Variants in CCDC42 observed in about 807,000 individuals in gnomAD.
CCDC42 encodes coiled-coil domain-containing protein 42.
In CCDC42, 38 loss-of-function variants were observed where a neutral mutation model predicts 40.8. The ratio of observed to expected loss-of-function variants is 0.93; its 90% confidence interval spans 0.72 to 1.22. The LOEUF (loss-of-function observed/expected upper bound fraction) is 1.22, where lower values mean the gene tolerates loss of function less well. Among genes scored for constraint, CCDC42 ranks in the 50% most tolerant of loss-of-function variants. The pLI, the probability that CCDC42 is intolerant of heterozygous loss-of-function variation, is 0.00. For synonymous variants in CCDC42, 135 were observed against 157.5 expected (o/e 0.86, Z 1.07); for missense variants, 379 against 416.5 (o/e 0.91, Z 0.78).
chr17:8,732,317 A>T (rs909901855), intron 6 of CCDC42, among the ~76,000 whole-genome samples: 2 of 147,866 alleles, frequency 1.4e-5, no homozygotes, highest in African/African-American at 4.9e-5. Flanking sequence ...AAAAAAAAAA[A>T]AAAAAACCTG....
chr17:8,733,116 A>G (rs2152142108), intron 6 of CCDC42, among the ~76,000 whole-genome samples: 1 of 152,278 alleles, frequency 6.6e-6, no homozygotes, highest in South Asian at 2.1e-4. Context: ...TTATTCTAGT[A>G]TAAGAGCTAC....
Position 8,730,047 on chromosome 17 carries a change from G to C in CCDC42, c.*83C>G. ...GGAAGGCACAGCAGGCATCGGTCCCGAGCTGGACTGACTGGACCGCAGGCT... is the reference window on the plus strand; with the variant it reads ...GGAAGGCACAGCAGGCATCGGTCCCCAGCTGGACTGACTGGACCGCAGGCT... On this transcript the variant is annotated 3_prime_UTR_variant, in exon 7 of 7. Transcript: ENST00000293845. 7.6e-7 allele frequency: 1 copy of C among 1,307,744 alleles called. No individual in the cohort carries two copies. Among genetic ancestry groups the C allele is most frequent in the Non-Finnish European group, 1.1e-6 (1 of 910,996 alleles). 81.0% of individuals were successfully genotyped at this position (1,307,744 alleles called of 1,614,324 possible). A position where few individuals can be genotyped will look rare whatever the true frequency, so the allele number is the denominator to read the frequency against.
In CCDC42 at chr17:8,730,152, T is replaced by C; in HGVS notation, c.929A>G (p.Glu310Gly). 1.2e-6 allele frequency: 2 copies of C among 1,613,974 alleles called. No homozygotes were observed. Among genetic ancestry groups the C allele is most frequent in the Non-Finnish European group, 8.5e-7 (1 of 1,179,906 alleles). Reference protein sequence around the residue: ...SDIWAEVKKKEQQRVRI With the variant: ...SDIWAEVKKKGQQRVRI ...TCCTTAAATCCGGACTCGCTGTTGT[T>C]CCTTCTTTTTCACCTCTGCCCAGAT... The change falls in exon 7 of 7, where the codon GAA (glutamate) becomes GGA (glycine). Residue 310 changes from glutamate to glycine, a missense_variant. By Grantham distance (98) the Glu-to-Gly change is moderately conservative (BLOSUM62 -2). Coordinates refer to ENST00000293845, the MANE Select transcript of CCDC42 (RefSeq NM_144681.3).
rs374995488 is a variant in CCDC42, at chr17:8,744,160, C to A, written c.108G>T (p.Ala36=). The part of the protein sequence containing the change: ...MLQKLPNVEG[A]SESPSIWLLE... ...GTAGCCAGATGGATGGGGACTCCGACGCCCCCTCAACATTGGGGAGTTTCC... is the reference window on the plus strand; with the variant it reads ...GTAGCCAGATGGATGGGGACTCCGAAGCCCCCTCAACATTGGGGAGTTTCC... Residue 36 remains alanine (A), a synonymous_variant, in exon 2 of 7, where the codon GCG becomes GCT. Transcript: ENST00000293845. 8 of 1,613,830 alleles carry A rather than the reference C, an allele frequency of 5.0e-6. No individual in the cohort carries two copies. The highest frequency in any genetic ancestry group is 6.8e-6 in the Non-Finnish European group (8 of 1,179,846).
In CCDC42 at chr17:8,730,091, G is replaced by A. The variant is rs2086570424; in HGVS notation, c.*39C>T. Reference sequence around the variant, plus strand: ...GCAGGCTCACGACTTCTTCTTTCACGATCTCTGTCTCAGGACATTCTGGAA... The same window carrying A: ...GCAGGCTCACGACTTCTTCTTTCACAATCTCTGTCTCAGGACATTCTGGAA... On this transcript the variant is annotated 3_prime_UTR_variant, in exon 7 of 7. Transcript: ENST00000293845. The A allele has an allele frequency of 4.4e-6, 7 of 1,593,292 alleles. No individual in the cohort carries two copies. Among genetic ancestry groups the A allele is most frequent in the South Asian group, 3.3e-5 (3 of 90,344 alleles).
intron 3 of CCDC42, 50 bp from the exon 4 acceptor site, chr17:8,741,721 C>A: frequency 6.4e-7 from 1 of 1,571,260 alleles, no homozygotes; most frequent in Non-Finnish European, 8.6e-7. Context: ...CCAGCCCTCC[C>A]GGGGCCCAGG....
chr17:8,738,411 G>A (rs935869116), intron 4 of CCDC42, among the ~76,000 whole-genome samples: 9 of 151,314 alleles, frequency 5.9e-5, no homozygotes, highest in Admixed American at 6.6e-5. Flanking sequence ...AAAAAATTCC[G>A]TATAAAAAGT....
At chr17:8,732,452 G>A (rs530679040) in intron 6 of CCDC42, among the ~76,000 whole-genome samples, 1 of 152,118 alleles carries the variant, frequency 6.6e-6, no homozygotes, top group African/African-American at 2.4e-5. Context: ...CTCAACAACT[G>A]TCAGCTGCTG....
Position 8,744,550 on chromosome 17 carries a change from C to T in CCDC42, c.60G>A (p.Gly20=), listed in dbSNP as rs1349044702. 1 of 1,612,364 alleles carries T rather than the reference C, an allele frequency of 6.2e-7. No homozygotes were observed. The highest frequency in any genetic ancestry group is 8.5e-7 in the Non-Finnish European group (1 of 1,179,982). ...ACTGGAGCATCTGCAGCAGCCGCTCCCCATACTGCAGCCGGAAGTACTCGG... is the reference window on the plus strand; with the variant it reads ...ACTGGAGCATCTGCAGCAGCCGCTCTCCATACTGCAGCCGGAAGTACTCGG... The part of the protein sequence containing the change: ...DLAEYFRLQY[G]ERLLQMLQKL... Residue 20 remains glycine, a synonymous_variant, in exon 1 of 7, where the codon GGG becomes GGA. Transcript: ENST00000293845.
At chr17:8,744,014 C>G (rs2086661873) in intron 2 of CCDC42, 65 bp downstream of exon 2, 24 of 1,270,652 alleles carry the variant, frequency 1.9e-5, no homozygotes, top group Non-Finnish European at 2.7e-5. Context: ...TCCACAGGCT[C>G]TCCCAGAGCC....
Position 8,730,091 on chromosome 17 carries a change from GA to G in CCDC42, c.*38del. The G allele has an allele frequency of 6.3e-7, 1 of 1,593,410 alleles. No homozygotes were observed. Among genetic ancestry groups the G allele is most frequent in the East Asian group, 2.2e-5 (1 of 44,734 alleles). The stretch of plus-strand genomic sequence containing the variant: ...GCAGGCTCACGACTTCTTCTTTCAC[GA>G]TCTCTGTCTCAGGACATTCTGGAAC... On this transcript the variant is annotated 3_prime_UTR_variant, in exon 7 of 7. Coordinates refer to ENST00000293845, the MANE Select transcript of CCDC42 (RefSeq NM_144681.3).
rs2086609478 is a variant in CCDC42, at chr17:8,735,916, A to AC, written c.493-306dup. On this transcript the variant is annotated intron_variant, in intron 4 of 6. Coordinates refer to ENST00000293845, the MANE Select transcript of CCDC42 (RefSeq NM_144681.3). This position sits in a 1 kb window ranked among gnomAD's most constrained non-coding sequence, Gnocchi z 4.7. The stretch of plus-strand genomic sequence containing the variant: ...TTAAAAAGGACACCTGCCAGTCTCC[A>AC]CCCCCAGAGATTCAGATGAATAAAC... Among the ~76,000 whole-genome samples the AC allele has an allele frequency of 6.6e-6, 1 of 152,072 alleles. No individual in the cohort carries two copies. The highest frequency in any genetic ancestry group is 2.4e-5 in the African/African-American group (1 of 41,392).
intron 1 of CCDC42, 44 bp from the exon 2 acceptor site, chr17:8,744,228 G>A: frequency 6.9e-7 from 1 of 1,459,730 alleles, no homozygotes; most frequent in Non-Finnish European, 9.5e-7. Context: ...TTCTGACATG[G>A]GGTAGGCTGG....
Position 8,744,614 on chromosome 17 carries a change from G to A in CCDC42, c.-5C>T, listed in dbSNP as rs1343413969. ...TTCCATGATGCCCAGACTCATGGTG[G>A]CAGTGACCTCACGGCCCAGGCAGCT... On this transcript the variant is annotated 5_prime_UTR_variant, in exon 1 of 7. Coordinates refer to ENST00000293845, the MANE Select transcript of CCDC42 (RefSeq NM_144681.3). The A allele has an allele frequency of 3.1e-6, 5 of 1,607,362 alleles. No homozygotes were observed. The highest frequency in any genetic ancestry group is 3.4e-6 in the Non-Finnish European group (4 of 1,176,182).
At chr17:8,733,806 T>C (rs1046933901) in intron 6 of CCDC42, among the ~76,000 whole-genome samples, 5 of 152,058 alleles carry the variant, frequency 3.3e-5, no homozygotes, top group African/African-American at 1.2e-4. Context: ...TGCATCTTTC[T>C]TTACAACAGC....
chr17:8,741,787 C>A, intron 3 of CCDC42, 116 bp from the exon 4 acceptor site: 1 of 1,012,610 alleles, frequency 9.9e-7, no homozygotes, highest in Non-Finnish European at 1.4e-6. Context: ...ACCATCCTGG[C>A]AACAGGCAGA....
chr17:8,740,916 C>A (rs569294801), intron 4 of CCDC42, among the ~76,000 whole-genome samples: 1 of 152,102 alleles, frequency 6.6e-6, no homozygotes, highest in Non-Finnish European at 1.5e-5. Context: ...GGCTCACCAG[C>A]GAACTGAATG....
chr17:8,743,421 G>C (rs1483737429), intron 3 of CCDC42, among the ~76,000 whole-genome samples: 2 of 152,218 alleles, frequency 1.3e-5, no homozygotes, highest in African/African-American at 4.8e-5. Flanking sequence ...AGGGAGCAGA[G>C]ACTGATAGGT....
intron 3 of CCDC42, among the ~76,000 whole-genome samples, chr17:8,742,978 A>T (rs936856897): frequency 2.6e-5 from 4 of 152,212 alleles, no homozygotes; most frequent in African/African-American, 9.7e-5. Flanking sequence ...CCTGTCCCAC[A>T]CGGCTTAGGC....
Sources: gnomAD v4.1 joint callset for allele counts (sites outside exome capture counted in the v4.1 genomes callset) on GRCh38, gnomAD v4.1.1 for gene constraint, Gnocchi (gnomAD v3.1) non-coding constraint, MANE v1.5 for transcripts, NCBI Gene and HGNC (gene_info 2026-07-23, HGNC 2026-07-21) for gene names.